Variants in FRMPD4 observed in about 807,000 individuals in gnomAD.
FRMPD4 encodes the protein FERM and PDZ domain containing 4.
A neutral mutation model predicts 94.1 loss-of-function variants in FRMPD4; 22 were observed. The ratio of observed to expected loss-of-function variants is 0.23; its 90% CI spans 0.17 to 0.33. The LOEUF (loss-of-function observed/expected upper bound fraction) is 0.33. FRMPD4 is among the 10% of genes least tolerant of loss of function. The pLI, the probability that FRMPD4 is intolerant of heterozygous loss-of-function variation, is 1.00. For synonymous variants in FRMPD4, 631 were observed against 548.6 expected, an observed-to-expected ratio of 1.15 and a Z score of -2.10; for missense variants, 1,111 against 1,339.9, an observed-to-expected ratio of 0.83 and a Z score of 2.67.
chrX:11,955,980 C>CCA (rs2147369341), intron 3 of FRMPD4, among the ~76,000 whole-genome samples: 1 of 111,432 alleles, frequency 9.0e-6, no homozygotes, highest in South Asian at 3.8e-4. Flanking sequence ...CTCTTTGAGC[C>CCA]CAGATTTCTG....
At chrX:11,889,761 G>A (rs1377555476) in intron 3 of FRMPD4, among the ~76,000 whole-genome samples, 1 of 112,335 alleles carries the variant, frequency 8.9e-6, no homozygotes, top group Non-Finnish European at 1.9e-5. Context: ...ACTGGGGCTG[G>A]AATGTCCGAG....
chrX:11,970,156 C>T (rs2054332628), intron 3 of FRMPD4, among the ~76,000 whole-genome samples: 1 of 112,034 alleles, frequency 8.9e-6, no homozygotes, highest in African/African-American at 3.2e-5. Context: ...TTTCCAAAGC[C>T]GCATATTATT....
chrX:12,680,704 G>C (rs915340890), intron 5 of FRMPD4, among the ~76,000 whole-genome samples: 1 of 111,896 alleles, frequency 8.9e-6, no homozygotes, highest in Non-Finnish European at 1.9e-5. Context: ...TGGCTATTTA[G>C]TTTCCTTTCT....
chrX:11,827,090 T>C (rs1162781500), intron 1 of FRMPD4, among the ~76,000 whole-genome samples: 4 of 75,221 alleles, frequency 5.3e-5, no homozygotes, highest in Non-Finnish European at 1.1e-4. Flanking sequence ...ATATATAAAA[T>C]ATATATGTTC....
chrX:12,461,246 G>A lies in FRMPD4; in HGVS notation c.42-37434G>A, dbSNP rs1455630083. Among the ~76,000 whole-genome samples, 5 of 111,956 alleles carry A rather than the reference G, an allele frequency of 4.5e-5. No homozygotes were observed. In the East Asian group the frequency reaches 1.1e-3, roughly 25 times the overall value. On this transcript the variant is annotated intron_variant, in intron 1 of 16. Transcript: ENST00000675598. The stretch of plus-strand genomic sequence containing the variant: ...CCTCACTAGGATTTTTTCCCAAAAC[G>A]AGATGTGTGATACATGCATGTAACT...
intron 1 of FRMPD4, among the ~76,000 whole-genome samples, chrX:12,310,967 T>C (rs2055022091): frequency 8.9e-6 from 1 of 112,795 alleles, no homozygotes. Context: ...ACTTCAGCTT[T>C]TATTTTACTA....
Position 12,331,856 on chromosome X carries a change from AT to A in FRMPD4, c.42-166822del, listed in dbSNP as rs57279210. Among the ~76,000 whole-genome samples, 175 of 46,732 alleles carry A rather than the reference AT, an allele frequency of 3.7e-3. 2 individuals are homozygous for A. Among genetic ancestry groups the A allele is most frequent in the African/African-American group, 0.019 (148 of 7,597 alleles). 40.6% of individuals were successfully genotyped at this position (46,732 alleles called of 115,157 possible). ...ATATATATTTATATACTATATATAA[AT>A]TATATATATTTATATACTATATATA... On this transcript the variant is annotated intron_variant, in intron 1 of 16. Coordinates refer to ENST00000675598, the MANE Select transcript of FRMPD4 (RefSeq NM_001368397.1).
At chrX:12,572,339 G>A (rs1162254319) in intron 2 of FRMPD4, among the ~76,000 whole-genome samples, 1 of 112,077 alleles carries the variant, frequency 8.9e-6, no homozygotes, top group Non-Finnish European at 1.9e-5. Context: ...AGCTTCTACT[G>A]TATAAACATA....
chrX:12,112,532 G>A (rs889630403), intron 3 of FRMPD4, among the ~76,000 whole-genome samples: 14 of 110,682 alleles, frequency 1.3e-4, no homozygotes, highest in Admixed American at 1.9e-4. Flanking sequence ...AAACCTGCAC[G>A]TTGTACACAT....
At chrX:12,234,477 T>C in intron 1 of FRMPD4, among the ~76,000 whole-genome samples, 1 of 110,984 alleles carries the variant, frequency 9.0e-6, no homozygotes. Context: ...CCAAGACCAG[T>C]GATGCAGCAG....
At chrX:12,437,369 A>G (rs896369054) in intron 1 of FRMPD4, among the ~76,000 whole-genome samples, 2 of 109,616 alleles carry the variant, frequency 1.8e-5, no homozygotes, top group Non-Finnish European at 3.8e-5. Flanking sequence ...TTTTCCAGGT[A>G]GTATTTATTT....
chrX:11,893,713 G>A (rs999189757), intron 3 of FRMPD4, among the ~76,000 whole-genome samples: 2 of 111,535 alleles, frequency 1.8e-5, no homozygotes, highest in African/African-American at 3.3e-5. Flanking sequence ...ATGTGGTAAG[G>A]TACTTAACTC....
chrX:11,843,880 A>G (rs1029508539), intron 1 of FRMPD4, among the ~76,000 whole-genome samples: 3 of 109,883 alleles, frequency 2.7e-5, no homozygotes, highest in Non-Finnish European at 5.7e-5. Context: ...TCTTCATTTC[A>G]TCCTGTGGAT....
At chrX:12,311,023 C>T (rs1257971300) in intron 1 of FRMPD4, among the ~76,000 whole-genome samples, 2 of 112,445 alleles carry the variant, frequency 1.8e-5, no homozygotes, top group African/African-American at 6.5e-5. Flanking sequence ...AATCTACCAT[C>T]TTCTTTTGTG....
chrX:12,047,673 C>T (rs2147448245), intron 3 of FRMPD4, among the ~76,000 whole-genome samples: 1 of 111,163 alleles, frequency 9.0e-6, no homozygotes, highest in African/African-American at 3.3e-5. Flanking sequence ...TAATAGTCTC[C>T]AGTTCTATTT....
intron 1 of FRMPD4, among the ~76,000 whole-genome samples, chrX:12,259,673 G>A (rs5979556): frequency 0.18 from 20,027 of 110,973 alleles, 1,645 homozygotes; most frequent in East Asian, 0.51. Flanking sequence ...CTCATCCTCC[G>A]TTGGTCAGAA....
chrX:12,122,126 G>A (rs1266534676), intron 3 of FRMPD4, among the ~76,000 whole-genome samples: 1 of 111,818 alleles, frequency 8.9e-6, no homozygotes, highest in Non-Finnish European at 1.9e-5. Context: ...AGTGGCAGGA[G>A]TAGGACACAA....
At chrX:12,538,928 C>G (rs761614926) in intron 2 of FRMPD4, among the ~76,000 whole-genome samples, 1 of 111,925 alleles carries the variant, frequency 8.9e-6, no homozygotes, top group African/African-American at 3.2e-5. Context: ...AGAGCTGGAG[C>G]TGGATGGAGA....
At chrX:11,934,896 G>A (rs1216585702) in intron 3 of FRMPD4, among the ~76,000 whole-genome samples, 2 of 111,290 alleles carry the variant, frequency 1.8e-5, no homozygotes, top group Admixed American at 1.9e-4. Flanking sequence ...TAATTTGTTT[G>A]TAGCGTAAGA....
Sources: allele counts gnomAD v4.1 joint callset (sites outside exome capture counted in the v4.1 genomes callset), GRCh38; gene constraint gnomAD v4.1.1; transcripts MANE v1.5; gene names NCBI Gene and HGNC (gene_info 2026-07-23, HGNC 2026-07-21).